MRTFA: variants seen among roughly 807,000 people sequenced by gnomAD.
MRTFA encodes myocardin-related transcription factor A.
In MRTFA, 20 loss-of-function variants were observed where a neutral mutation model predicts 83.5. That is an observed-to-expected ratio of 0.24 (90% CI 0.17 to 0.35). MRTFA has a LOEUF of 0.35. Among genes scored for constraint, MRTFA ranks in the 10% least tolerant of loss-of-function variants. The probability of loss-of-function intolerance (pLI) is 1.00; values close to 1 mark genes in which losing one functional copy is unlikely to be tolerated. For synonymous variants in MRTFA, 659 were observed against 541.2 expected (o/e 1.22, Z -3.02); for missense variants, 1,200 against 1,224.7 (o/e 0.98, Z 0.30).
At chr22:40,552,389 G>T (rs2055455692) in intron 2 of MRTFA, 22 bp from the exon 3 acceptor site, 1 of 397,884 alleles carries the variant, frequency 2.5e-6, no homozygotes, top group Non-Finnish European at 4.4e-6. Flanking sequence ...AGAAAAAATG[G>T]AAAGTTTAGA....
rs1407495275 is a variant in MRTFA, at chr22:40,540,793, A to AAC, written c.241+11312_241+11313insGT. On this transcript the variant is annotated intron_variant, in intron 3 of 14. Transcript: ENST00000355630. ...CTCTGTCTCAAAAAAAAAAAAAAAA[A>AAC]AAACCAAAAACATACAAACAAAAAA... 1.4e-4 allele frequency among the ~76,000 whole-genome samples: 21 copies of AAC among 150,802 alleles called. 1 individual carries two copies. The East Asian group carries it at 4.2e-3, about 30-fold the overall frequency.
At chr22:40,566,511 C>T (rs545017227) in intron 2 of MRTFA, among the ~76,000 whole-genome samples, 21 of 152,094 alleles carry the variant, frequency 1.4e-4, no homozygotes, top group African/African-American at 4.3e-4. Context: ...TGAGCCACCA[C>T]GCCTGGCTGA....
rs2052819833 is a variant in MRTFA at position 40,420,834 on chromosome 22, A to G, written c.1181+13T>C. 4 of 1,612,826 alleles carry G rather than the reference A, an allele frequency of 2.5e-6. No individual in the cohort carries two copies. The highest frequency in any genetic ancestry group is 1.7e-4 in the Middle Eastern group (1 of 5,942). On this transcript the variant is annotated intron_variant, in intron 10 of 14. Transcript: ENST00000355630. ...GGGAGGGCAGGGGCAGGCAGTGAGG[A>G]GCGGGTGCCTACTTTGGCGGGGCAG...
At position 40,614,025 on chromosome 22, in the gene MRTFA, C is replaced by A. The variant is rs1264586068; in HGVS notation, c.-83-19290G>T. Among the ~76,000 whole-genome samples the A allele has an allele frequency of 3.3e-5, 5 of 150,630 alleles. No homozygotes were observed. The East Asian group carries it at 5.9e-4, about 18-fold the overall frequency. On this transcript the variant is annotated intron_variant, in intron 1 of 14. Transcript: ENST00000355630. ...GACCAGCCTGACCAACATGGAGAAACCCTGTCTCTACTAAAAATACAAAAA... is the reference window on the plus strand; with the variant it reads ...GACCAGCCTGACCAACATGGAGAAAACCTGTCTCTACTAAAAATACAAAAA...
chr22:40,416,103 C>T lies in MRTFA; in HGVS notation c.2578+883G>A, dbSNP rs937862381. ...TCTCGTGACACACCCCATCAGGGAC[C>T]GCGCAATGTGGTCCCACACGTGCCC... is the stretch of plus-strand genomic sequence containing the variant. On this transcript the variant is annotated intron_variant, in intron 14 of 14. Transcript: ENST00000355630. This position sits in a 1 kb window ranked among gnomAD's most constrained non-coding sequence, Gnocchi z 4.2. Among the ~76,000 whole-genome samples the T allele has an allele frequency of 6.6e-6, 1 of 152,204 alleles. No homozygotes were observed. The highest frequency in any genetic ancestry group is 2.4e-5 in the African/African-American group (1 of 41,448).
chr22:40,533,872 T>C (rs1336463035), intron 3 of MRTFA: 3 of 357,400 alleles, frequency 8.4e-6, no homozygotes, highest in Non-Finnish European at 1.5e-5. Flanking sequence ...AGTTAAGACA[T>C]ACTAAGTGTG....
At chr22:40,527,428 T>C (rs976293100) in intron 3 of MRTFA, among the ~76,000 whole-genome samples, 2 of 151,906 alleles carry the variant, frequency 1.3e-5, no homozygotes, top group African/African-American at 4.8e-5. Context: ...TTTAGCATTA[T>C]TTTCCTTGTC....
At chr22:40,539,783 C>A (rs866862638) in intron 3 of MRTFA, among the ~76,000 whole-genome samples, 63 of 151,718 alleles carry the variant, frequency 4.2e-4, no homozygotes, top group African/African-American at 1.4e-3. Flanking sequence ...ATTACAGGCA[C>A]GAGCCACCGC....
At chr22:40,453,540 T>C (rs531470216) in intron 4 of MRTFA, among the ~76,000 whole-genome samples, 20 of 152,254 alleles carry the variant, frequency 1.3e-4, no homozygotes, top group African/African-American at 4.6e-4. Context: ...GAGCTTTCAG[T>C]AACTCCCAAA....
At chr22:40,572,850 C>A (rs2055815470) in intron 2 of MRTFA, among the ~76,000 whole-genome samples, 1 of 152,172 alleles carries the variant, frequency 6.6e-6, no homozygotes, top group Non-Finnish European at 1.5e-5. Flanking sequence ...AGACCCGCCA[C>A]CCCTGTAATT....
chr22:40,430,629 T>C (rs1216763492), intron 6 of MRTFA, among the ~76,000 whole-genome samples: 6 of 150,470 alleles, frequency 4.0e-5, no homozygotes, highest in Non-Finnish European at 7.4e-5. Flanking sequence ...GAGGCCGAGG[T>C]GGGTGGATCA....
intron 1 of MRTFA, among the ~76,000 whole-genome samples, chr22:40,622,923 A>T (rs534756342): frequency 1.3e-5 from 2 of 152,350 alleles, no homozygotes; most frequent in African/African-American, 4.8e-5. Context: ...GATTATGGAT[A>T]TATCTTGAAG....
intron 2 of MRTFA, among the ~76,000 whole-genome samples, chr22:40,563,769 G>A (rs192454815): frequency 3.9e-5 from 6 of 152,320 alleles, no homozygotes; most frequent in Non-Finnish European, 8.8e-5. Flanking sequence ...GGAAGCTGGA[G>A]ACATAACTTA....
At chr22:40,497,057 G>A (rs190349965) in intron 3 of MRTFA, among the ~76,000 whole-genome samples, 99 of 152,308 alleles carry the variant, frequency 6.5e-4, no homozygotes, top group African/African-American at 2.2e-3. Flanking sequence ...ACACAGAAAG[G>A]TGAAACACCT....
intron 2 of MRTFA, among the ~76,000 whole-genome samples, chr22:40,593,704 AC>A (rs147163642): frequency 9.3e-4 from 141 of 152,284 alleles, no homozygotes; most frequent in African/African-American, 3.4e-3. Flanking sequence ...GTAGCAATGT[AC>A]TAATCTCTTC....
At chr22:40,500,351 T>TA (rs989258850) in intron 3 of MRTFA, among the ~76,000 whole-genome samples, 9 of 149,684 alleles carry the variant, frequency 6.0e-5, no homozygotes, top group East Asian at 1.9e-4. Context: ...TTTTTTTATT[T>TA]TTTTTTTAAC....
chr22:40,562,956 T>C (rs541449337), intron 2 of MRTFA, among the ~76,000 whole-genome samples: 1 of 152,202 alleles, frequency 6.6e-6, no homozygotes, highest in Non-Finnish European at 1.5e-5. Flanking sequence ...AAAAATAATT[T>C]ATGACCAGTC....
intron 4 of MRTFA, among the ~76,000 whole-genome samples, chr22:40,447,072 T>C (rs952273375): frequency 4.6e-5 from 7 of 151,948 alleles, no homozygotes; most frequent in African/African-American, 1.5e-4. Context: ...AAGGTGACAT[T>C]TGGCTGGGGG....
intron 3 of MRTFA, among the ~76,000 whole-genome samples, chr22:40,483,018 C>T (rs576867012): frequency 6.6e-6 from 1 of 152,152 alleles, no homozygotes; most frequent in South Asian, 2.1e-4. Context: ...TGAGCCACCA[C>T]TGTGCCACGG....
Sources: allele counts gnomAD v4.1 joint callset (sites outside exome capture counted in the v4.1 genomes callset), GRCh38; gene constraint gnomAD v4.1.1; non-coding constraint Gnocchi (gnomAD v3.1); transcripts MANE v1.5; gene names NCBI Gene and HGNC (gene_info 2026-07-23, HGNC 2026-07-21).